Variants in NSL1 observed in about 807,000 individuals in gnomAD.
NSL1 encodes the protein NSL1 component of MIS12 kinetochore complex.
Under a neutral mutation model 25.4 loss-of-function variants are expected in NSL1, and 11 were observed. The observed-to-expected ratio is 0.43, with a 90% confidence interval of 0.27 to 0.72. The LOEUF is 0.72. Among genes scored for constraint, NSL1 ranks in the 30% least tolerant of loss-of-function variants. The pLI is 0.19. For missense variants in NSL1, 330 were observed against 342.7 expected, an observed-to-expected ratio of 0.96 and a Z score of 0.29; for synonymous variants, 118 against 120.6, an observed-to-expected ratio of 0.98 and a Z score of 0.14.
intron 4 of NSL1, among the ~76,000 whole-genome samples, chr1:212,771,121 C>G (rs1660085455): frequency 6.6e-6 from 1 of 152,122 alleles, no homozygotes; most frequent in Admixed American, 6.5e-5. Flanking sequence ...CGAGACCAGC[C>G]TGACCAACAT....
chr1:212,747,317 TATTC>T (rs745518777), intron 4 of NSL1, among the ~76,000 whole-genome samples: 27 of 152,322 alleles, frequency 1.8e-4, no homozygotes, highest in South Asian at 6.2e-4. Flanking sequence ...GGTATTCATT[TATTC>T]ATTCATTCCC....
intron 4 of NSL1, among the ~76,000 whole-genome samples, chr1:212,752,632 A>G (rs1659117763): frequency 1.3e-5 from 2 of 152,208 alleles, no homozygotes; most frequent in Non-Finnish European, 2.9e-5. Flanking sequence ...GTCAAATGAG[A>G]CCACATCTTA....
At chr1:212,780,231 T>G (rs1193549163) in intron 4 of NSL1, among the ~76,000 whole-genome samples, 1 of 152,004 alleles carries the variant, frequency 6.6e-6, no homozygotes, top group Non-Finnish European at 1.5e-5. Context: ...CTGAAACATG[T>G]GCTGTGTCCA....
intron 4 of NSL1, among the ~76,000 whole-genome samples, chr1:212,772,081 G>A (rs888744685): frequency 6.6e-6 from 1 of 152,098 alleles, no homozygotes; most frequent in Non-Finnish European, 1.5e-5. Flanking sequence ...TCTTGCCACC[G>A]CCATTTAAGA....
At chr1:212,739,460 A>C in intron 5 of NSL1, 74 bp downstream of exon 5, 1 of 1,376,456 alleles carries the variant, frequency 7.3e-7, no homozygotes, top group Non-Finnish European at 1.0e-6. Flanking sequence ...ACTAAAACAC[A>C]TATGAATGTT....
chr1:212,735,326 GT>G lies in NSL1; in HGVS notation c.*3081del. The G allele has an allele frequency of 1.0e-6, 1 of 985,364 alleles. No homozygotes were observed. Among genetic ancestry groups the G allele is most frequent in the Non-Finnish European group, 1.2e-6 (1 of 829,866 alleles). 61.0% of individuals were successfully genotyped at this position (985,364 alleles called of 1,614,324 possible). On this transcript the variant is annotated 3_prime_UTR_variant, in exon 6 of 6. Transcript: ENST00000366977. ...TTTTGATCCGAGTAGGTGTCCAACTGTATGTGTTGAACAGATGAATAAATGA... is the reference window on the plus strand; with the variant it reads ...TTTTGATCCGAGTAGGTGTCCAACTGATGTGTTGAACAGATGAATAAATGA...
chr1:212,763,821 C>T (rs1659677744), intron 4 of NSL1, among the ~76,000 whole-genome samples: 1 of 152,144 alleles, frequency 6.6e-6, no homozygotes, highest in South Asian at 2.1e-4. Flanking sequence ...CTGGCAACAA[C>T]ACAATAATAG....
At chr1:212,768,337 A>C (rs1268669940) in intron 4 of NSL1, among the ~76,000 whole-genome samples, 2 of 151,362 alleles carry the variant, frequency 1.3e-5, no homozygotes, top group Non-Finnish European at 2.9e-5. Context: ...AAAAAAAAAA[A>C]AAAAAAACTA....
chr1:212,771,013 A>G (rs1210725448), intron 4 of NSL1, among the ~76,000 whole-genome samples: 3 of 152,152 alleles, frequency 2.0e-5, no homozygotes, highest in Non-Finnish European at 4.4e-5. Context: ...TTCTGTCATG[A>G]TAAAAAAAAC....
chr1:212,788,676 A>G (rs1004469844), intron 1 of NSL1, among the ~76,000 whole-genome samples: 1 of 152,224 alleles, frequency 6.6e-6, no homozygotes, highest in African/African-American at 2.4e-5. Flanking sequence ...CTACTCTCAT[A>G]AAAACTAAAG....
chr1:212,729,346 G>A lies in NSL1; in HGVS notation c.*9062C>T, dbSNP rs1262032350. The A allele has an allele frequency of 1.0e-6, 1 of 981,000 alleles. No homozygotes were observed. The highest frequency in any genetic ancestry group is 1.2e-6 in the Non-Finnish European group (1 of 826,094). The allele number at this position is 981,000 out of a possible 1,614,324, so 60.8% of individuals were successfully genotyped here. A position where few individuals can be genotyped will look rare whatever the true frequency, so the allele number is the denominator to read the frequency against. The stretch of plus-strand genomic sequence containing the variant: ...CTGACGGCAAATTGCTTGTGGGCAG[G>A]GTCTGTGCCTTGGTTTACAGGTGTA... On this transcript the variant is annotated 3_prime_UTR_variant, in exon 6 of 6. Transcript: ENST00000366977.
chr1:212,771,669 G>A (rs984478743), intron 4 of NSL1, among the ~76,000 whole-genome samples: 5 of 146,152 alleles, frequency 3.4e-5, no homozygotes, highest in Non-Finnish European at 6.0e-5. Context: ...AAAGTTGCAG[G>A]ATACAAAACA....
chr1:212,784,574 C>T, intron 2 of NSL1, 81 bp from the exon 3 acceptor site: 2 of 825,060 alleles, frequency 2.4e-6, no homozygotes, highest in Non-Finnish European at 3.4e-6. Flanking sequence ...GTGCTATAAA[C>T]TAAATTTAGA....
In NSL1 at chr1:212,784,333, C is replaced by T. The variant is rs1571922374; in HGVS notation, c.444+30G>A. 6 of 1,469,238 alleles carry T rather than the reference C, an allele frequency of 4.1e-6. No individual in the cohort carries two copies. In the Admixed American group the frequency reaches 7.4e-5, roughly 18 times the overall value. The allele number at this position is 1,469,238 out of a possible 1,614,324, so 91.0% of individuals were successfully genotyped here. On this transcript the variant is annotated intron_variant, in intron 3 of 5. Coordinates refer to ENST00000366977, the MANE Select transcript of NSL1 (RefSeq NM_015471.4). ...AATGTTTTTATTGTGGTAAAATATA[C>T]TATAACATTTTAAAGGCAAATCATC...
At chr1:212,748,537 TCTG>T (rs1416769522) in intron 4 of NSL1, among the ~76,000 whole-genome samples, 1 of 152,194 alleles carries the variant, frequency 6.6e-6, no homozygotes, top group African/African-American at 2.4e-5. Flanking sequence ...ACAAAGAACT[TCTG>T]CTACATTCAA....
rs148959637 is a variant in NSL1, at chr1:212,787,697, G to A, written c.235-60C>T. On this transcript the variant is annotated intron_variant, in intron 1 of 5. Coordinates refer to ENST00000366977, the MANE Select transcript of NSL1 (RefSeq NM_015471.4). ...ATAATTTTAAATACTAAATTCAAAC[G>A]TTTTAGCAAAATAATACTTCCAGAT... The A allele has an allele frequency of 3.9e-5, 46 of 1,166,056 alleles. No homozygotes were observed. In the African/African-American group the frequency reaches 5.2e-4, roughly 13 times the overall value. 72.2% of individuals were successfully genotyped at this position (1,166,056 alleles called of 1,614,324 possible).
intron 1 of NSL1, among the ~76,000 whole-genome samples, chr1:212,789,981 G>A (rs1423254038): frequency 6.6e-6 from 1 of 152,034 alleles, no homozygotes; most frequent in Non-Finnish European, 1.5e-5. Context: ...TACATACAGA[G>A]TCACAACCCA....
At chr1:212,777,206 G>A (rs909267533) in intron 4 of NSL1, among the ~76,000 whole-genome samples, 9 of 151,768 alleles carry the variant, frequency 5.9e-5, no homozygotes, top group South Asian at 4.2e-4. Flanking sequence ...GGACTCCATC[G>A]CTACAAAAAA....
intron 4 of NSL1, 177 bp downstream of exon 4, chr1:212,782,195 T>C (rs1660761085): frequency 5.7e-6 from 4 of 698,768 alleles, no homozygotes; most frequent in Non-Finnish European, 8.0e-6. Flanking sequence ...TCTGAGTCAA[T>C]GGGTGTAAAG....
Sources: gnomAD v4.1 joint callset for allele counts (sites outside exome capture counted in the v4.1 genomes callset) on GRCh38, gnomAD v4.1.1 for gene constraint, MANE v1.5 for transcripts, NCBI Gene and HGNC (gene_info 2026-07-23, HGNC 2026-07-21) for gene names.